The following EHHADH variants were observed in gnomAD, a reference collection of about 807,000 sequenced individuals.
The protein encoded by EHHADH is peroxisomal bifunctional enzyme.
In EHHADH, 48 loss-of-function variants were observed where a neutral mutation model predicts 64.4. The ratio of observed to expected loss-of-function variants is 0.75; its 90% CI spans 0.59 to 0.95. The LOEUF is 0.95. EHHADH is among the 40% of genes least tolerant of loss of function. The probability of loss-of-function intolerance (pLI) is 0.00; values close to 1 mark genes in which losing one functional copy is unlikely to be tolerated. For missense variants in EHHADH, 854 were observed against 876.6 expected (o/e 0.97, Z 0.33); for synonymous variants, 308 against 326.7 (o/e 0.94, Z 0.62).
chr3:185,233,889 C>A (rs1295818554), intron 3 of EHHADH, among the ~76,000 whole-genome samples: 1 of 152,158 alleles, frequency 6.6e-6, no homozygotes, highest in Non-Finnish European at 1.5e-5. Context: ...TGTGATCTGC[C>A]TGCCTCGGCC....
chr3:185,221,389 T>A (rs1206823504), intron 4 of EHHADH, among the ~76,000 whole-genome samples: 1 of 152,150 alleles, frequency 6.6e-6, no homozygotes, highest in African/African-American at 2.4e-5. Flanking sequence ...TTAAAATAGT[T>A]CACATTCTTT....
At chr3:185,198,935 TAAA>T (rs11335561) in intron 6 of EHHADH, among the ~76,000 whole-genome samples, 1 of 151,294 alleles carries the variant, frequency 6.6e-6, no homozygotes, top group Non-Finnish European at 1.5e-5. Flanking sequence ...AAACTGTTAT[TAAA>T]AAAAAACATG....
intron 4 of EHHADH, among the ~76,000 whole-genome samples, chr3:185,226,552 G>A (rs1718979633): frequency 6.6e-6 from 1 of 151,910 alleles, no homozygotes; most frequent in Non-Finnish European, 1.5e-5. Context: ...AGGAGGCTGA[G>A]GCAGGAGAAT....
intron 4 of EHHADH, among the ~76,000 whole-genome samples, chr3:185,228,257 A>AAAAAAAAAACATAT (rs1367786172): frequency 4.5e-5 from 1 of 21,994 alleles, no homozygotes; most frequent in Admixed American, 7.1e-4. Context: ...AAAAAAAAAA[A>AAAAAAAAAACATAT]ATATATATAT....
chr3:185,245,577 G>A, intron 2 of EHHADH: 2 of 794,520 alleles, frequency 2.5e-6, no homozygotes, highest in Non-Finnish European at 2.2e-6. Flanking sequence ...AATAAGAGTT[G>A]CATGTCCTTC....
intron 4 of EHHADH, among the ~76,000 whole-genome samples, chr3:185,221,649 T>C (rs1391544481): frequency 1.4e-5 from 2 of 147,156 alleles, no homozygotes; most frequent in African/African-American, 5.0e-5. Context: ...CTCGGCTCAC[T>C]GCAACCTCTG....
chr3:185,211,889 G>C (rs1718549102), intron 5 of EHHADH, among the ~76,000 whole-genome samples: 2 of 152,188 alleles, frequency 1.3e-5, no homozygotes, highest in African/African-American at 4.8e-5. Context: ...AATAGACCAA[G>C]GTCTTTAGGC....
At chr3:185,203,406 T>C (rs1469271515) in intron 6 of EHHADH, among the ~76,000 whole-genome samples, 1 of 152,170 alleles carries the variant, frequency 6.6e-6, no homozygotes, top group African/African-American at 2.4e-5. Flanking sequence ...AGAAAGAAAG[T>C]TGATGCTTTT....
intron 2 of EHHADH, among the ~76,000 whole-genome samples, chr3:185,242,194 C>T (rs1719473841): frequency 6.6e-6 from 1 of 152,186 alleles, no homozygotes. Flanking sequence ...AAACACATCC[C>T]ATGCTCATGG....
chr3:185,215,452 A>G (rs928399698), intron 5 of EHHADH, among the ~76,000 whole-genome samples: 12 of 152,212 alleles, frequency 7.9e-5, no homozygotes, highest in African/African-American at 2.9e-4. Flanking sequence ...TTCTAAAAAA[A>G]CCATAAAAGT....
intron 5 of EHHADH, among the ~76,000 whole-genome samples, chr3:185,207,984 AT>A (rs1718441258): frequency 6.6e-6 from 1 of 152,262 alleles, no homozygotes; most frequent in African/African-American, 2.4e-5. Flanking sequence ...GATGCTCGAC[AT>A]CATTAGTCAT....
intron 2 of EHHADH, 27 bp downstream of exon 2, chr3:185,248,387 G>A: frequency 1.3e-6 from 2 of 1,495,650 alleles, no homozygotes; most frequent in African/African-American, 1.4e-5. Flanking sequence ...TTCCAGAGAT[G>A]GTGGGAGAGG....
Position 185,193,153 on chromosome 3 carries a change from A to G in EHHADH, c.1245T>C (p.Val415=). Residue 415 remains valine, a synonymous_variant, in exon 7 of 7, where the codon GTT becomes GTC. Transcript: ENST00000231887. ...GATCAGTGGAAGAAGCAATCTCATC[A>G]ACATCCAGGGCTGAAGTATTAGTGC... ...FLCTNTSALD[V]DEIASSTDRP... The G allele has an allele frequency of 6.2e-7, 1 of 1,613,372 alleles. No individual in the cohort carries two copies. Among genetic ancestry groups the G allele is most frequent in the African/African-American group, 1.3e-5 (1 of 75,026 alleles).
chr3:185,209,144 T>G (rs1291573005), intron 5 of EHHADH, among the ~76,000 whole-genome samples: 1 of 152,206 alleles, frequency 6.6e-6, no homozygotes, highest in Non-Finnish European at 1.5e-5. Context: ...TCATTAAAAC[T>G]GTTAAAGTGT....
intron 2 of EHHADH, among the ~76,000 whole-genome samples, chr3:185,236,110 G>A (rs1719285117): frequency 6.6e-6 from 1 of 152,136 alleles, no homozygotes; most frequent in Admixed American, 6.5e-5. Context: ...AAAAGAACAT[G>A]AAGATCACCC....
chr3:185,226,270 T>C (rs771862918), intron 4 of EHHADH, among the ~76,000 whole-genome samples: 14 of 152,196 alleles, frequency 9.2e-5, no homozygotes, highest in East Asian at 1.9e-4. Flanking sequence ...GGAAGCTCTA[T>C]GGAGAGGTCC....
chr3:185,199,151 A>G (rs972126779), intron 6 of EHHADH, among the ~76,000 whole-genome samples: 1 of 152,254 alleles, frequency 6.6e-6, no homozygotes. Flanking sequence ...TTAGACTGTA[A>G]TAGGTAAAAC....
At chr3:185,196,141 AGATAC>A (rs555298821) in intron 6 of EHHADH, among the ~76,000 whole-genome samples, 90 of 152,352 alleles carry the variant, frequency 5.9e-4, no homozygotes, top group South Asian at 4.8e-3. Flanking sequence ...CCAAAATCTG[AGATAC>A]GATGAGACAT....
At chr3:185,217,014 T>C (rs552347017) in intron 5 of EHHADH, among the ~76,000 whole-genome samples, 1 of 60,320 alleles carries the variant, frequency 1.7e-5, no homozygotes, top group African/African-American at 4.6e-5. Context: ...ATAACTCAGT[T>C]TGCGGAGACA....
Sources: gnomAD v4.1 joint callset for allele counts (sites outside exome capture counted in the v4.1 genomes callset) on GRCh38, gnomAD v4.1.1 for gene constraint, MANE v1.5 for transcripts, NCBI Gene and HGNC (gene_info 2026-07-23, HGNC 2026-07-21) for gene names.